KCNT2: variants seen among roughly 807,000 people sequenced by gnomAD.
KCNT2 encodes the protein potassium sodium-activated channel subfamily T member 2, also known as potassium channel subfamily T member 2.
In KCNT2, 67 loss-of-function variants were observed where a neutral mutation model predicts 153.8. That is an observed-to-expected ratio of 0.44 (90% CI 0.36 to 0.53). The LOEUF is 0.53. Ranked by LOEUF, KCNT2 falls within the 20% of genes least tolerant of loss-of-function variation. The pLI is 0.00. For synonymous variants in KCNT2, 500 were observed against 458.8 expected (o/e 1.09, Z -1.15); for missense variants, 975 against 1,354.8 (o/e 0.72, Z 4.40).
chr1:196,285,204 A>G (rs886727317), intron 23 of KCNT2, among the ~76,000 whole-genome samples: 32 of 152,234 alleles, frequency 2.1e-4, no homozygotes, highest in African/African-American at 7.7e-4. Context: ...AAAATAGGCA[A>G]TAATCAGCAG....
chr1:196,405,091 C>T (rs901710875), intron 12 of KCNT2, among the ~76,000 whole-genome samples: 1 of 150,772 alleles, frequency 6.6e-6, no homozygotes, highest in African/African-American at 2.4e-5. Flanking sequence ...GCATAAATAT[C>T]ATATGAGAAA....
intron 1 of KCNT2, among the ~76,000 whole-genome samples, chr1:196,529,205 GT>G (rs1336381307): frequency 6.6e-6 from 1 of 152,020 alleles, no homozygotes; most frequent in African/African-American, 2.4e-5. Flanking sequence ...TGTGTCTCTT[GT>G]TGATCATTAA....
chr1:196,420,436 C>T (rs1466016406), intron 12 of KCNT2, among the ~76,000 whole-genome samples: 2 of 151,594 alleles, frequency 1.3e-5, no homozygotes, highest in African/African-American at 4.8e-5. Flanking sequence ...ATCCCTATGT[C>T]TGCTGTCTGG....
In KCNT2 at chr1:196,299,607, C is replaced by A. The variant is rs187651248; in HGVS notation, c.2595+5627G>T. On this transcript the variant is annotated intron_variant, in intron 22 of 27. Transcript: ENST00000294725. Reference sequence around the variant, plus strand: ...TCAAAAAGACAAAAAATAACAAATGCTAGCAAGGATGCAGAGAAACGGGAA... The same window carrying A: ...TCAAAAAGACAAAAAATAACAAATGATAGCAAGGATGCAGAGAAACGGGAA... Among the ~76,000 whole-genome samples the A allele has an allele frequency of 1.4e-3, 209 of 152,096 alleles. 1 individual carries two copies. The highest frequency in any genetic ancestry group is 4.8e-3 in the African/African-American group (201 of 41,492).
At chr1:196,505,416 G>A (rs1291635117) in intron 1 of KCNT2, among the ~76,000 whole-genome samples, 1 of 151,848 alleles carries the variant, frequency 6.6e-6, no homozygotes, top group Admixed American at 6.6e-5. Context: ...TTATTTCTGA[G>A]GGCTCTGTTC....
chr1:196,430,128 AT>A (rs1327594209), intron 8 of KCNT2, among the ~76,000 whole-genome samples: 1 of 151,842 alleles, frequency 6.6e-6, no homozygotes, highest in Non-Finnish European at 1.5e-5. Context: ...TTTTTTTATA[AT>A]TTTTTTGAGA....
intron 26 of KCNT2, among the ~76,000 whole-genome samples, chr1:196,248,620 A>C (rs1043403570): frequency 1.3e-5 from 2 of 152,110 alleles, no homozygotes; most frequent in Non-Finnish European, 2.9e-5. Context: ...ACCTAAACAG[A>C]CCAATAACAA....
chr1:196,425,007 G>A (rs2148526797), intron 11 of KCNT2, among the ~76,000 whole-genome samples: 1 of 152,026 alleles, frequency 6.6e-6, no homozygotes, highest in South Asian at 2.1e-4. Flanking sequence ...AATTCAGTGG[G>A]AGACTTTTAA....
Position 196,273,535 on chromosome 1 carries a change from C to T in KCNT2, c.2910+7325G>A. 2.8e-6 allele frequency: 4 copies of T among 1,437,432 alleles called. No homozygotes were observed. In the South Asian group the frequency reaches 4.9e-5, roughly 18 times the overall value. The allele number at this position is 1,437,432 out of a possible 1,614,324, so 89.0% of individuals were successfully genotyped here. ...AGAAACACACAAAACACAGTTTAAA[C>T]AATGACTAAACAATAGATGCATGCC... On this transcript the variant is annotated intron_variant, in intron 25 of 27. Transcript: ENST00000294725.
At chr1:196,566,264 A>T (rs1382885527) in intron 1 of KCNT2, among the ~76,000 whole-genome samples, 1 of 151,962 alleles carries the variant, frequency 6.6e-6, no homozygotes, top group African/African-American at 2.4e-5. Context: ...ATTTGCTTAT[A>T]AAAAGTAACA....
chr1:196,253,795 C>A (rs1656211956), intron 26 of KCNT2, among the ~76,000 whole-genome samples: 1 of 151,488 alleles, frequency 6.6e-6, no homozygotes, highest in Admixed American at 6.6e-5. Context: ...AACCACTCAA[C>A]CCATAATAAA....
intron 22 of KCNT2, 104 bp downstream of exon 22, chr1:196,305,130 C>A: frequency 1.4e-6 from 1 of 692,204 alleles, no homozygotes; most frequent in African/African-American, 1.8e-5. Context: ...TTCAAAACAG[C>A]ATTTTAGTTT....
chr1:196,470,511 G>A (rs1385619944), intron 5 of KCNT2, among the ~76,000 whole-genome samples: 2 of 152,138 alleles, frequency 1.3e-5, no homozygotes, highest in African/African-American at 2.4e-5. Context: ...GAAGCCCAAG[G>A]TCTGTGTCAG....
chr1:196,301,826 A>G lies in KCNT2; in HGVS notation c.2595+3408T>C, dbSNP rs561862831. 2.6e-5 allele frequency among the ~76,000 whole-genome samples: 4 copies of G among 152,116 alleles called. No individual in the cohort carries two copies. In the East Asian group the frequency reaches 7.8e-4, roughly 29 times the overall value. On this transcript the variant is annotated intron_variant, in intron 22 of 27. Coordinates refer to ENST00000294725, the MANE Select transcript of KCNT2 (RefSeq NM_198503.5). Reference sequence around the variant, plus strand: ...ACAATCTTGGCTCACTACACCTTCCACCTCCTGGATTCAAGCGATTCTCAT... The same window carrying G: ...ACAATCTTGGCTCACTACACCTTCCGCCTCCTGGATTCAAGCGATTCTCAT...
At chr1:196,230,934 C>T (rs998906835) in intron 27 of KCNT2, among the ~76,000 whole-genome samples, 29 of 152,038 alleles carry the variant, frequency 1.9e-4, no homozygotes, top group Admixed American at 1.4e-3. Flanking sequence ...AGTTCCACTT[C>T]GGGTAAAATG....
intron 13 of KCNT2, among the ~76,000 whole-genome samples, chr1:196,379,090 TTACTTTTTGTA>T (rs1669230802): frequency 6.6e-6 from 1 of 151,990 alleles, no homozygotes; most frequent in Non-Finnish European, 1.5e-5. Flanking sequence ...AAACTCTGGA[TTACTTTTTGTA>T]TACAAAATCA....
At chr1:196,564,339 G>A (rs1161948089) in intron 1 of KCNT2, among the ~76,000 whole-genome samples, 1 of 151,806 alleles carries the variant, frequency 6.6e-6, no homozygotes, top group Non-Finnish European at 1.5e-5. Flanking sequence ...AAACACTGAT[G>A]AAAGAAATTG....
chr1:196,339,518 CACAGAGAG>C (rs1665386480), intron 16 of KCNT2, among the ~76,000 whole-genome samples: 1 of 100,356 alleles, frequency 1.0e-5, no homozygotes, highest in African/African-American at 3.2e-5. Flanking sequence ...CACACACACA[CACAGAGAG>C]AGAGAGAGAG....
intron 8 of KCNT2, among the ~76,000 whole-genome samples, chr1:196,457,522 C>CAA (rs1179613680): frequency 5.1e-4 from 39 of 76,586 alleles, no homozygotes; most frequent in Admixed American, 1.4e-3. Flanking sequence ...TAAAGCTTAC[C>CAA]AAAAAAAAAA....
Sources: allele counts gnomAD v4.1 joint callset (sites outside exome capture counted in the v4.1 genomes callset), GRCh38; gene constraint gnomAD v4.1.1; transcripts MANE v1.5; gene names NCBI Gene and HGNC (gene_info 2026-07-23, HGNC 2026-07-21).